The following ESAM variants were observed in gnomAD, a reference collection of about 807,000 sequenced individuals.
ESAM encodes endothelial cell-selective adhesion molecule.
Under a neutral mutation model 31.8 loss-of-function variants are expected in ESAM, and 23 were observed. That is an observed-to-expected ratio of 0.72 (90% confidence interval 0.52 to 1.03). The LOEUF (loss-of-function observed/expected upper bound fraction) is 1.03. Ranked by LOEUF, ESAM falls within the 50% of genes least tolerant of loss-of-function variation. The pLI is 0.00. For missense variants in ESAM, 478 were observed against 488.9 expected (o/e 0.98, Z 0.21); for synonymous variants, 216 against 207.2 (o/e 1.04, Z -0.37).
At chr11:124,761,474 C>T (rs1311719492) in intron 1 of ESAM, among the ~76,000 whole-genome samples, 2 of 152,144 alleles carry the variant, frequency 1.3e-5, no homozygotes, top group Non-Finnish European at 2.9e-5. Flanking sequence ...GGGGTGGTCA[C>T]AATTCTGTTT....
At position 124,758,501 on chromosome 11, in the gene ESAM, G is replaced by C; in HGVS notation, c.97C>G (p.Leu33Val). Reference sequence around the variant, plus strand: ...TGCAACCGGTTGGCGGGCAAGTGCAGTTGCAGCTGGGCCCGCGAGGGGGGC... The same window carrying C: ...TGCAACCGGTTGGCGGGCAAGTGCACTTGCAGCTGGGCCCGCGAGGGGGGC... ...LAPPSRAQLQ[L>V]HLPANRLQAV... is the part of the protein sequence containing the mutation. Residue 33 changes from leucine to valine, a missense_variant, in exon 2 of 7, where the codon CTG (leucine) becomes GTG (valine). Leu to Val is a conservative substitution (Grantham distance 32). Coordinates refer to ENST00000278927, the MANE Select transcript of ESAM (RefSeq NM_138961.3). 1.3e-6 allele frequency: 2 copies of C among 1,594,518 alleles called. No homozygotes were observed. The highest frequency in any genetic ancestry group is 1.7e-6 in the Non-Finnish European group (2 of 1,170,256).
At chr11:124,756,080 C>G (rs1216425699) in intron 4 of ESAM, 127 bp downstream of exon 4, 46 of 1,331,766 alleles carry the variant, frequency 3.5e-5, no homozygotes, top group Non-Finnish European at 4.6e-5. Context: ...CACATCCTCC[C>G]CACATCCTCC....
At position 124,753,638 on chromosome 11, in the gene ESAM, TG is replaced by T. The variant is rs757761383; in HGVS notation, c.*7del. The T allele has an allele frequency of 6.2e-7, 1 of 1,613,114 alleles. No individual in the cohort carries two copies. The highest frequency in any genetic ancestry group is 8.5e-7 in the Non-Finnish European group (1 of 1,179,984). On this transcript the variant is annotated 3_prime_UTR_variant, in exon 7 of 7. Transcript: ENST00000278927. ...CCCAAATCCTTTAGCCAATGAGTGG[TG>T]GGGTCATCATACCAGAGAGCCAGCT...
At position 124,758,517 on chromosome 11, in the gene ESAM, C is replaced by A; in HGVS notation, c.81G>T (p.Ser27=). The change falls in exon 2 of 7, where the codon TCG becomes TCT. Residue 27 remains serine, a synonymous_variant. Coordinates refer to ENST00000278927, the MANE Select transcript of ESAM (RefSeq NM_138961.3). ...GCAAGTGCAGTTGCAGCTGGGCCCGCGAGGGGGGCGCTGGAGACAAGAGCG... is the reference window on the plus strand; with the variant it reads ...GCAAGTGCAGTTGCAGCTGGGCCCGAGAGGGGGGCGCTGGAGACAAGAGCG... ...FLGLSALAPP[S]RAQLQLHLPA... is the part of the protein sequence containing the mutation. The A allele has an allele frequency of 6.4e-7, 1 of 1,562,764 alleles. No homozygotes were observed. Among genetic ancestry groups the A allele is most frequent in the Non-Finnish European group, 8.7e-7 (1 of 1,154,450 alleles).
At chr11:124,755,241 A>G (rs185630810) in intron 4 of ESAM, among the ~76,000 whole-genome samples, 88 of 152,304 alleles carry the variant, frequency 5.8e-4, no homozygotes, top group African/African-American at 1.9e-3. Context: ...ACTAATCATT[A>G]TAACAGTGAA....
intron 2 of ESAM, among the ~76,000 whole-genome samples, chr11:124,757,693 C>CTT (rs5795429): frequency 0.017 from 2,093 of 124,924 alleles, 70 homozygotes; most frequent in African/African-American, 0.059. Context: ...AATATGCTAA[C>CTT]TTTTTTTTTT....
In ESAM at chr11:124,754,022, T is replaced by C. The variant is rs1944125045; in HGVS notation, c.858-61A>G. ...GGTGGGGGAAGGAGGAGAGAGTTTC[T>C]ACCTGCTTGGTCTTATATACCACCT... On this transcript the variant is annotated intron_variant, in intron 6 of 6. Coordinates refer to ENST00000278927, the MANE Select transcript of ESAM (RefSeq NM_138961.3). The surrounding 1 kb of genome is among the most constrained non-coding windows in gnomAD (Gnocchi z 4.5). 4 of 1,586,742 alleles carry C rather than the reference T, an allele frequency of 2.5e-6. No homozygotes were observed. The highest frequency in any genetic ancestry group is 8.6e-7 in the Non-Finnish European group (1 of 1,164,738).
rs1944137199 is a variant in ESAM, at chr11:124,754,841, G to C, written c.608-78C>G. 6.6e-7 allele frequency: 1 copy of C among 1,510,744 alleles called. No homozygotes were observed. The highest frequency in any genetic ancestry group is 8.9e-7 in the Non-Finnish European group (1 of 1,129,108). The allele number at this position is 1,510,744 out of a possible 1,614,324, so 93.6% of individuals were successfully genotyped here. On this transcript the variant is annotated intron_variant, in intron 4 of 6. Coordinates refer to ENST00000278927, the MANE Select transcript of ESAM (RefSeq NM_138961.3). The surrounding 1 kb of genome is among the most constrained non-coding windows in gnomAD (Gnocchi z 4.5). ...AAAAAAAAATCTTGTCCCTCCTCTG[G>C]AATGTCCCCTTTGACCCTCTGGGAG...
In ESAM at chr11:124,756,315, C is replaced by T; in HGVS notation, c.499G>A (p.Gly167Arg). Reference sequence around the variant, plus strand: ...TGGCAGCTCAGGGTCACGTTTGCCCCCACATGGGGCACACCCTGGAGACGG... The same window carrying T: ...TGGCAGCTCAGGGTCACGTTTGCCCTCACATGGGGCACACCCTGGAGACGG... Reference protein sequence around the residue: ...SCRLQGVPHVGANVTLSCQSP... With the variant: ...SCRLQGVPHVRANVTLSCQSP... The change falls in exon 4 of 7, where the codon GGG becomes AGG. Residue 167 changes from glycine (G) to arginine (R), a missense_variant. Coordinates refer to ENST00000278927, the MANE Select transcript of ESAM (RefSeq NM_138961.3). 1 of 1,612,262 alleles carries T rather than the reference C, an allele frequency of 6.2e-7. No individual in the cohort carries two copies. Among genetic ancestry groups the T allele is most frequent in the Non-Finnish European group, 8.5e-7 (1 of 1,179,150 alleles).
intron 1 of ESAM, 71 bp from the exon 2 acceptor site, chr11:124,758,598 G>A (rs998770608): frequency 2.8e-6 from 4 of 1,426,588 alleles, no homozygotes; most frequent in Non-Finnish European, 3.7e-6. Context: ...TGCCCTACGC[G>A]GCTTCACCAG....
chr11:124,761,554 C>T (rs1160470964), intron 1 of ESAM, among the ~76,000 whole-genome samples: 1 of 152,066 alleles, frequency 6.6e-6, no homozygotes, highest in African/African-American at 2.4e-5. Context: ...TTTTGGGGCA[C>T]CTCCCTTGAT....
rs1944131777 is a variant in ESAM, at chr11:124,754,508, G to A, written c.730+133C>T. The A allele has an allele frequency of 6.6e-7, 1 of 1,506,364 alleles. No homozygotes were observed. Among genetic ancestry groups the A allele is most frequent in the Non-Finnish European group, 8.9e-7 (1 of 1,121,352 alleles). 93.3% of individuals were successfully genotyped at this position (1,506,364 alleles called of 1,614,324 possible). A position where few individuals can be genotyped will look rare whatever the true frequency, so the allele number is the denominator to read the frequency against. ...ATGACCAGTCACTGACCAACCATTT[G>A]TACAAACATTTGATCAGGGGAAGCT... On this transcript the variant is annotated intron_variant, in intron 5 of 6. Coordinates refer to ENST00000278927, the MANE Select transcript of ESAM (RefSeq NM_138961.3). This position sits in a 1 kb window ranked among gnomAD's most constrained non-coding sequence, Gnocchi z 4.5.
In ESAM at chr11:124,753,602, G is replaced by A. The variant is rs948526258; in HGVS notation, c.*44C>T. On this transcript the variant is annotated 3_prime_UTR_variant, in exon 7 of 7. Transcript: ENST00000278927. The stretch of plus-strand genomic sequence containing the variant: ...TCTGTGCTAGAGGTGACCCTTATAG[G>A]AAGGAGAGACCCCAAATCCTTTAGC... The A allele has an allele frequency of 6.2e-7, 1 of 1,607,800 alleles. No individual in the cohort carries two copies. The highest frequency in any genetic ancestry group is 1.3e-5 in the African/African-American group (1 of 74,890).
rs1944120596 is a variant in ESAM, at chr11:124,753,727, C to T, written c.1092G>A (p.Gly364=). 1.2e-6 allele frequency: 2 copies of T among 1,613,972 alleles called. No homozygotes were observed. The highest frequency in any genetic ancestry group is 3.3e-5 in the Admixed American group (2 of 59,992). ...TGCGGCTCAAGCCAGAGGAAGAAACCCCACCAGGGATGGGGGATATTGGTT... is the reference window on the plus strand; with the variant it reads ...TGCGGCTCAAGCCAGAGGAAGAAACTCCACCAGGGATGGGGGATATTGGTT... ...HPQPISPIPG[G]VSSSGLSRMG... The change falls in exon 7 of 7, where the codon GGG becomes GGA. Residue 364 remains glycine, a synonymous_variant. Coordinates refer to ENST00000278927, the MANE Select transcript of ESAM (RefSeq NM_138961.3).
At chr11:124,755,855 G>A (rs1009381890) in intron 4 of ESAM, among the ~76,000 whole-genome samples, 3 of 151,836 alleles carry the variant, frequency 2.0e-5, no homozygotes, top group Non-Finnish European at 2.9e-5. Context: ...TTTATAACTG[G>A]TGTGTTCAAG....
chr11:124,757,101 AG>A (rs1038406298), intron 2 of ESAM: 5 of 235,982 alleles, frequency 2.1e-5, no homozygotes, highest in Middle Eastern at 1.5e-3. Context: ...ACAATGGGGA[AG>A]GCATCTTGGA....
Position 124,758,377 on chromosome 11 carries a change from AACCAC to A in ESAM, c.216_220del (p.Met72IlefsTer65). 1 of 1,614,124 alleles carries A rather than the reference AACCAC, an allele frequency of 6.2e-7. No homozygotes were observed. Among genetic ancestry groups the A allele is most frequent in the Non-Finnish European group, 8.5e-7 (1 of 1,180,030 alleles). On this transcript the variant is annotated frameshift_variant, in exon 2 of 7. Coordinates refer to ENST00000278927, the MANE Select transcript of ESAM (RefSeq NM_138961.3). LOFTEE classifies it high-confidence loss of function. ...ATCCTCCTTTTCTTTCTGTTTGAAGAACCACATCACAAAGGGCACCTCCCATGGCT... is the reference window on the plus strand; with the variant it reads ...ATCCTCCTTTTCTTTCTGTTTGAAGAATCACAAAGGGCACCTCCCATGGCT...
Position 124,753,614 on chromosome 11 carries a change from C to T in ESAM, c.*32G>A. ...GTGACCCTTATAGGAAGGAGAGACCCCAAATCCTTTAGCCAATGAGTGGTG... is the reference window on the plus strand; with the variant it reads ...GTGACCCTTATAGGAAGGAGAGACCTCAAATCCTTTAGCCAATGAGTGGTG... On this transcript the variant is annotated 3_prime_UTR_variant, in exon 7 of 7. Coordinates refer to ENST00000278927, the MANE Select transcript of ESAM (RefSeq NM_138961.3). 1.2e-6 allele frequency: 2 copies of T among 1,611,826 alleles called. No homozygotes were observed. The highest frequency in any genetic ancestry group is 1.6e-4 in the Middle Eastern group (1 of 6,062).
Position 124,754,642 on chromosome 11 carries a change from T to C in ESAM, c.729A>G (p.Thr243=). ...AQCNVTLEVS[T]GPGAAVVAGA... ...TAACCACACTTACCCCTCACTGACC[T>C]GTGCTCACTTCCAGCGTCACATTAC... The change falls in exon 5 of 7, where the codon ACA becomes ACG. Residue 243 remains threonine (T), a splice_region_variant and synonymous_variant. Coordinates refer to ENST00000278927, the MANE Select transcript of ESAM (RefSeq NM_138961.3). The surrounding 1 kb of genome is among the most constrained non-coding windows in gnomAD (Gnocchi z 4.5). The C allele has an allele frequency of 6.2e-7, 1 of 1,612,310 alleles. No individual in the cohort carries two copies. Among genetic ancestry groups the C allele is most frequent in the Admixed American group, 1.7e-5 (1 of 59,604 alleles).
Sources: gnomAD v4.1 joint callset for allele counts (sites outside exome capture counted in the v4.1 genomes callset) on GRCh38, gnomAD v4.1.1 for gene constraint, Gnocchi (gnomAD v3.1) non-coding constraint, MANE v1.5 for transcripts, NCBI Gene and HGNC (gene_info 2026-07-23, HGNC 2026-07-21) for gene names.